JAM3: variants seen among roughly 807,000 people sequenced by gnomAD.
The protein encoded by JAM3 is junctional adhesion molecule 3.
In JAM3, 31 loss-of-function variants were observed where a neutral mutation model predicts 39.4. That is an observed-to-expected ratio of 0.79 (90% confidence interval 0.59 to 1.06). JAM3 has a LOEUF of 1.06. Among genes scored for constraint, JAM3 ranks in the 50% least tolerant of loss-of-function variants. The pLI is 0.00. For missense variants in JAM3, 455 were observed against 391.4 expected (o/e 1.16, Z -1.37); for synonymous variants, 182 against 148.7 (o/e 1.22, Z -1.63).
At chr11:134,144,132 C>G in intron 3 of JAM3, 109 bp from the exon 4 acceptor site, 1 of 1,009,722 alleles carries the variant, frequency 9.9e-7, no homozygotes, top group Non-Finnish European at 1.6e-6. Context: ...AAATATTGAT[C>G]TGCAGGCTTC....
chr11:134,126,783 G>C (rs1250006579), intron 1 of JAM3, among the ~76,000 whole-genome samples: 1 of 152,200 alleles, frequency 6.6e-6, no homozygotes, highest in Non-Finnish European at 1.5e-5. Context: ...AAGTAAAACT[G>C]TCTTCTGTCT....
intron 1 of JAM3, among the ~76,000 whole-genome samples, chr11:134,131,194 A>C (rs1418175451): frequency 1.6e-5 from 2 of 123,090 alleles, no homozygotes; most frequent in Non-Finnish European, 3.2e-5. Flanking sequence ...GCACAGAGCC[A>C]GTCTCCAAAG....
intron 1 of JAM3, among the ~76,000 whole-genome samples, chr11:134,098,916 G>A (rs1003132115): frequency 1.3e-5 from 2 of 152,102 alleles, no homozygotes; most frequent in African/African-American, 4.8e-5. Flanking sequence ...AATGCAACTA[G>A]GGAGAGGCGT....
intron 1 of JAM3, among the ~76,000 whole-genome samples, chr11:134,104,352 A>C (rs1005708998): frequency 1.3e-5 from 2 of 152,244 alleles, no homozygotes; most frequent in African/African-American, 4.8e-5. Flanking sequence ...GGACACATTT[A>C]AAGTAGTGTG....
At chr11:134,085,537 A>G (rs962403242) in intron 1 of JAM3, among the ~76,000 whole-genome samples, 1 of 152,210 alleles carries the variant, frequency 6.6e-6, no homozygotes, top group Non-Finnish European at 1.5e-5. Context: ...CATTCTTAAC[A>G]AACATTCTTT....
At chr11:134,132,571 A>G (rs572920143) in intron 1 of JAM3, among the ~76,000 whole-genome samples, 14 of 152,374 alleles carry the variant, frequency 9.2e-5, no homozygotes, top group African/African-American at 3.4e-4. Flanking sequence ...ATTATAACAC[A>G]AATTCAGGTC....
chr11:134,088,151 T>C (rs1941775418), intron 1 of JAM3, among the ~76,000 whole-genome samples: 2 of 152,204 alleles, frequency 1.3e-5, no homozygotes, highest in Non-Finnish European at 2.9e-5. Flanking sequence ...CTCAACTTTA[T>C]TAATATACTG....
intron 1 of JAM3, among the ~76,000 whole-genome samples, chr11:134,127,597 G>T (rs1179977339): frequency 2.0e-5 from 3 of 152,206 alleles, no homozygotes; most frequent in Non-Finnish European, 4.4e-5. Context: ...CTACTCTGGA[G>T]GCTCAGGCAG....
At chr11:134,125,221 C>T (rs1450240343) in intron 1 of JAM3, among the ~76,000 whole-genome samples, 2 of 152,192 alleles carry the variant, frequency 1.3e-5, no homozygotes, top group Admixed American at 1.3e-4. Context: ...CTCCCGCCCC[C>T]TCTTCTCTCT....
At position 134,135,565 on chromosome 11, in the gene JAM3, TCTCA is replaced by T. The variant is rs1298499183; in HGVS notation, c.77-4282_77-4279del. 2.7e-5 allele frequency among the ~76,000 whole-genome samples: 4 copies of T among 150,882 alleles called. No homozygotes were observed. The East Asian group carries it at 7.8e-4, about 30-fold the overall frequency. ...TTTTTTTCTTTTTTTTGAGATGGAGTCTCACTCTGTCGCCCAAGCTGGAGTGCAG... is the reference window on the plus strand; with the variant it reads ...TTTTTTTCTTTTTTTTGAGATGGAGTCTCTGTCGCCCAAGCTGGAGTGCAG... On this transcript the variant is annotated intron_variant, in intron 1 of 8. Transcript: ENST00000299106.
At chr11:134,113,773 C>T (rs1942366997) in intron 1 of JAM3, among the ~76,000 whole-genome samples, 1 of 152,238 alleles carries the variant, frequency 6.6e-6, no homozygotes, top group Non-Finnish European at 1.5e-5. Context: ...GCCACACTGT[C>T]TTCCACAACG....
intron 1 of JAM3, among the ~76,000 whole-genome samples, chr11:134,125,224 T>C (rs1942623261): frequency 6.6e-6 from 1 of 152,184 alleles, no homozygotes; most frequent in African/African-American, 2.4e-5. Context: ...CCGCCCCCTC[T>C]TCTCTCTCTC....
chr11:134,084,388 A>AT (rs1174069109), intron 1 of JAM3, among the ~76,000 whole-genome samples: 16 of 152,212 alleles, frequency 1.1e-4, no homozygotes, highest in African/African-American at 3.9e-4. Flanking sequence ...CCTTATCTAT[A>AT]AAAGAGTAGT....
chr11:134,096,212 C>T (rs187666382), intron 1 of JAM3, among the ~76,000 whole-genome samples: 2 of 152,278 alleles, frequency 1.3e-5, no homozygotes, highest in African/African-American at 4.8e-5. Flanking sequence ...CTCCTGGCTT[C>T]AAGTGATCCT....
chr11:134,071,211 G>C (rs1160499807), intron 1 of JAM3, among the ~76,000 whole-genome samples: 1 of 152,152 alleles, frequency 6.6e-6, no homozygotes, highest in Non-Finnish European at 1.5e-5. Flanking sequence ...TTTAATGTTT[G>C]CTAATTTATT....
rs768811774 is a variant in JAM3 at position 134,149,310 on chromosome 11, G to A, written c.*129G>A. The A allele has an allele frequency of 3.1e-5, 35 of 1,119,436 alleles. No homozygotes were observed. Among genetic ancestry groups the A allele is most frequent in the Non-Finnish European group, 4.2e-5 (32 of 759,154 alleles). 69.3% of individuals were successfully genotyped at this position (1,119,436 alleles called of 1,614,324 possible). A position where few individuals can be genotyped will look rare whatever the true frequency, so the allele number is the denominator to read the frequency against. ...ACTCATTCAGAAGCTTTTCGTTTTGGCCAAAGTTGACCACTACTCTTCTTA... is the reference window on the plus strand; with the variant it reads ...ACTCATTCAGAAGCTTTTCGTTTTGACCAAAGTTGACCACTACTCTTCTTA... On this transcript the variant is annotated 3_prime_UTR_variant, in exon 9 of 9. Coordinates refer to ENST00000299106, the MANE Select transcript of JAM3 (RefSeq NM_032801.5).
At chr11:134,100,805 A>C (rs919101023) in intron 1 of JAM3, among the ~76,000 whole-genome samples, 3 of 152,260 alleles carry the variant, frequency 2.0e-5, no homozygotes, top group African/African-American at 7.2e-5. Context: ...CTTGATAAGC[A>C]GTAGAGATAG....
Position 134,149,971 on chromosome 11 carries a change from A to G in JAM3, c.*790A>G, listed in dbSNP as rs1031900001. ...ATGTATTTTGATTATTGAAAAGAAA[A>G]TTTCTATTTAAACTGTAAATATATT... On this transcript the variant is annotated 3_prime_UTR_variant, in exon 9 of 9. Transcript: ENST00000299106. The G allele has an allele frequency of 6.0e-6, 1 of 166,964 alleles. No homozygotes were observed. The highest frequency in any genetic ancestry group is 2.4e-5 in the African/African-American group (1 of 41,642). 10.3% of individuals were successfully genotyped at this position (166,964 alleles called of 1,614,324 possible).
In JAM3 at chr11:134,149,670, C is replaced by A. The variant is rs1565508616; in HGVS notation, c.*489C>A. On this transcript the variant is annotated 3_prime_UTR_variant, in exon 9 of 9. Transcript: ENST00000299106. ...GCCTTACTTCATCGGCCCACAGACA[C>A]CACCGCAGTTTCTTCTTAAAGGCTC... The A allele has an allele frequency of 2.2e-6, 1 of 457,224 alleles. No homozygotes were observed. Among genetic ancestry groups the A allele is most frequent in the East Asian group, 6.9e-5 (1 of 14,438 alleles). 28.3% of individuals were successfully genotyped at this position (457,224 alleles called of 1,614,324 possible). A position where few individuals can be genotyped will look rare whatever the true frequency, so the allele number is the denominator to read the frequency against.
Sources: gnomAD v4.1 joint callset for allele counts (sites outside exome capture counted in the v4.1 genomes callset) on GRCh38, gnomAD v4.1.1 for gene constraint, MANE v1.5 for transcripts, NCBI Gene and HGNC (gene_info 2026-07-23, HGNC 2026-07-21) for gene names.